ERGIC3: variants seen among roughly 807,000 people sequenced by gnomAD.
ERGIC3 encodes the protein ERGIC and golgi 3.
A neutral mutation model predicts 54.7 loss-of-function variants in ERGIC3; 33 were observed. The ratio of observed to expected loss-of-function variants is 0.60; its 90% CI spans 0.46 to 0.81. ERGIC3 has a LOEUF of 0.81. ERGIC3 is among the 30% of genes least tolerant of loss of function. The pLI is 0.00. For synonymous variants in ERGIC3, 186 were observed against 189.8 expected, an observed-to-expected ratio of 0.98 and a Z score of 0.16; for missense variants, 399 against 488.4, an observed-to-expected ratio of 0.82 and a Z score of 1.73.
At chr20:35,546,954 C>CA (rs1423187044) in intron 4 of ERGIC3, among the ~76,000 whole-genome samples, 1 of 152,038 alleles carries the variant, frequency 6.6e-6, no homozygotes, top group Non-Finnish European at 1.5e-5. Context: ...TAGAGTGAGG[C>CA]AAGGAGCCGG....
chr20:35,556,400 C>A, intron 10 of ERGIC3, 129 bp downstream of exon 10: 1 of 997,872 alleles, frequency 1.0e-6, no homozygotes, highest in Non-Finnish European at 1.6e-6. Flanking sequence ...GACTGAGGCA[C>A]AGAGAGGGTG....
rs1049055100 is a variant in ERGIC3, at chr20:35,547,508, G to T, written c.461+3G>T. ...GGTGCTGAGGCAGAAGATATCAAGT[G>T]AGCTGGCGGGGAGCGGGAGCAGGGT... On this transcript the variant is annotated splice_donor_region_variant and intron_variant, in intron 5 of 12. Coordinates refer to ENST00000348547, the MANE Select transcript of ERGIC3 (RefSeq NM_015966.3). 1 of 1,613,816 alleles carries T rather than the reference G, an allele frequency of 6.2e-7. No individual in the cohort carries two copies. Among genetic ancestry groups the T allele is most frequent in the Non-Finnish European group, 8.5e-7 (1 of 1,179,812 alleles).
At chr20:35,543,043 A>G (rs370506434) in intron 4 of ERGIC3, 102 bp downstream of exon 4, 2 of 1,558,492 alleles carry the variant, frequency 1.3e-6, no homozygotes, top group East Asian at 2.3e-5. Flanking sequence ...ACATTAAACA[A>G]CTAAGAGCTA....
intron 8 of ERGIC3, 38 bp downstream of exon 8, chr20:35,555,113 G>T: frequency 1.2e-6 from 2 of 1,603,602 alleles, no homozygotes; most frequent in Non-Finnish European, 1.7e-6. Flanking sequence ...GCAGGTGGGG[G>T]TGGGAGGCTT....
chr20:35,542,268 G>A (rs959125093), intron 1 of ERGIC3, 55 bp from the exon 2 acceptor site: 7 of 1,612,870 alleles, frequency 4.3e-6, no homozygotes, highest in African/African-American at 4.0e-5. Flanking sequence ...CTGGCCTGCC[G>A]GTGTCTGAGG....
chr20:35,547,887 A>T (rs1167968468), intron 5 of ERGIC3, among the ~76,000 whole-genome samples: 1 of 152,200 alleles, frequency 6.6e-6, no homozygotes, highest in Non-Finnish European at 1.5e-5. Context: ...TACTGTGTGT[A>T]AAGCACTGAG....
Position 35,556,149 on chromosome 20 carries a change from C to T in ERGIC3, c.814+20C>T, listed in dbSNP as rs767140202. 24 of 1,613,864 alleles carry T rather than the reference C, an allele frequency of 1.5e-5. No individual in the cohort carries two copies. The highest frequency in any genetic ancestry group is 1.9e-5 in the Non-Finnish European group (22 of 1,179,886). ...CCCAAGGTACCAGCCCGGGAGGCAG[C>T]CCCCAGCCGCAGAAGGCCGGCCGGG... On this transcript the variant is annotated intron_variant, in intron 9 of 12. Coordinates refer to ENST00000348547, the MANE Select transcript of ERGIC3 (RefSeq NM_015966.3).
intron 4 of ERGIC3, among the ~76,000 whole-genome samples, chr20:35,546,483 G>C (rs1176865535): frequency 6.6e-6 from 1 of 152,172 alleles, no homozygotes; most frequent in South Asian, 2.1e-4. Context: ...CTTAGAGAGT[G>C]GGAGAGTGAA....
chr20:35,544,891 C>T (rs1454065377), intron 4 of ERGIC3: 2 of 148,152 alleles, frequency 1.3e-5, no homozygotes, highest in African/African-American at 5.1e-5. Context: ...CAACCTCTGC[C>T]TCCCGGCTTC....
intron 3 of ERGIC3, 75 bp downstream of exon 3, chr20:35,542,675 C>T (rs1021897957): frequency 6.2e-6 from 10 of 1,601,846 alleles, no homozygotes; most frequent in Admixed American, 5.0e-5. Flanking sequence ...CACCTCCACC[C>T]TTAGGTTCTG....
intron 7 of ERGIC3, chr20:35,554,735 A>G (rs1490237395): frequency 1.7e-6 from 1 of 592,202 alleles, no homozygotes; most frequent in East Asian, 2.8e-5. Flanking sequence ...GTGAGAGCCC[A>G]TAGTCGGTGG....
rs745350676 is a variant in ERGIC3, at chr20:35,547,513, G to C, written c.461+8G>C. ...TGAGGCAGAAGATATCAAGTGAGCT[G>C]GCGGGGAGCGGGAGCAGGGTTCCCA... On this transcript the variant is annotated splice_region_variant and intron_variant, in intron 5 of 12. Transcript: ENST00000348547. The C allele has an allele frequency of 1.1e-5, 17 of 1,613,354 alleles. No homozygotes were observed. The highest frequency in any genetic ancestry group is 2.2e-5 in the East Asian group (1 of 44,874).
chr20:35,553,171 A>ATTTTTTTT (rs61579080), intron 7 of ERGIC3, among the ~76,000 whole-genome samples: 1 of 127,396 alleles, frequency 7.8e-6, no homozygotes, highest in African/African-American at 3.0e-5. Flanking sequence ...TGCCTGGCTA[A>ATTTTTTTT]TTTTTTTTTT....
At chr20:35,555,694 T>C (rs2064707220) in intron 8 of ERGIC3, among the ~76,000 whole-genome samples, 1 of 151,782 alleles carries the variant, frequency 6.6e-6, no homozygotes, top group Non-Finnish European at 1.5e-5. Context: ...GGCTCATGCT[T>C]GTAATCCCAG....
chr20:35,555,966 A>T, intron 8 of ERGIC3, 67 bp from the exon 9 acceptor site: 1 of 1,472,604 alleles, frequency 6.8e-7, no homozygotes, highest in Non-Finnish European at 9.4e-7. Context: ...CCGCAGACGG[A>T]CCCAGGTGTC....
intron 7 of ERGIC3, among the ~76,000 whole-genome samples, chr20:35,553,585 T>C (rs1406507594): frequency 6.7e-6 from 1 of 149,542 alleles, no homozygotes; most frequent in Non-Finnish European, 1.5e-5. Context: ...ATGGTTGAAG[T>C]GAACAGGAAG....
intron 10 of ERGIC3, chr20:35,556,748 G>T: frequency 1.6e-6 from 1 of 623,072 alleles, no homozygotes. Context: ...TGCCAGGATA[G>T]GTAAACTGTA....
intron 4 of ERGIC3, chr20:35,544,009 A>ATCT (rs1184380624): frequency 3.7e-6 from 1 of 270,320 alleles, no homozygotes; most frequent in East Asian, 8.8e-5. Flanking sequence ...GCACTGAAGA[A>ATCT]TCTACTATCT....
intron 1 of ERGIC3, 32 bp from the exon 2 acceptor site, chr20:35,542,291 G>A (rs373527239): frequency 1.2e-6 from 2 of 1,614,000 alleles, no homozygotes; most frequent in Admixed American, 1.7e-5. Context: ...GCGGATTCGA[G>A]GCCATTCTGA....
Sources: gnomAD v4.1 joint callset for allele counts (sites outside exome capture counted in the v4.1 genomes callset) on GRCh38, gnomAD v4.1.1 for gene constraint, MANE v1.5 for transcripts, NCBI Gene and HGNC (gene_info 2026-07-23, HGNC 2026-07-21) for gene names.